Variants in NFYA observed in about 807,000 individuals in gnomAD.
The protein encoded by NFYA is CAAT-box DNA binding protein subunit A.
Under a neutral mutation model 52.8 loss-of-function variants are expected in NFYA, and 28 were observed. The observed-to-expected ratio is 0.53, with a 90% confidence interval of 0.39 to 0.73. The LOEUF is 0.73. Ranked by LOEUF, NFYA falls within the 30% of genes least tolerant of loss-of-function variation. The pLI is 0.00. For synonymous variants in NFYA, 150 were observed against 150.7 expected (o/e 1.00, Z 0.03); for missense variants, 234 against 427.0 (o/e 0.55, Z 3.98).
rs1452355550 is a variant in NFYA, at chr6:41,101,502, C to T, written c.*4092C>T. Among the ~76,000 whole-genome samples, 3 of 152,254 alleles carry T rather than the reference C, an allele frequency of 2.0e-5. No homozygotes were observed. The East Asian group carries it at 5.8e-4, about 29-fold the overall frequency. On this transcript the variant is annotated 3_prime_UTR_variant, in exon 10 of 10. Transcript: ENST00000341376. ...CCAACCCCGAGCATTTTCTATTAAG[C>T]GTTCTGTTTCAATTATTTTATTCGT...
chr6:41,074,306 C>T (rs1763666076), intron 1 of NFYA, among the ~76,000 whole-genome samples: 2 of 152,168 alleles, frequency 1.3e-5, no homozygotes, highest in African/African-American at 4.8e-5. Context: ...AACCAATTAT[C>T]CAGCAGTTAG....
At chr6:41,075,720 G>T (rs1278368135) in intron 1 of NFYA, 1 of 118,826 alleles carries the variant, frequency 8.4e-6, no homozygotes, top group Non-Finnish European at 1.7e-5. Context: ...GAAAAAAAAA[G>T]TTCAAGTAGT....
intron 4 of NFYA, 86 bp downstream of exon 4, chr6:41,084,278 T>C (rs1582027350): frequency 2.0e-6 from 3 of 1,465,780 alleles, no homozygotes; most frequent in East Asian, 2.4e-5. Context: ...ATAATTGATA[T>C]TGCATTTAAC....
In NFYA at chr6:41,073,001, C is replaced by G. The variant is rs1057133285; in HGVS notation, c.-145C>G. 1 of 154,956 alleles carries G rather than the reference C, an allele frequency of 6.5e-6. No individual in the cohort carries two copies. Among genetic ancestry groups the G allele is most frequent in the Non-Finnish European group, 1.4e-5 (1 of 69,218 alleles). The allele number at this position is 154,956 out of a possible 1,614,324, so 9.6% of individuals were successfully genotyped here. On this transcript the variant is annotated 5_prime_UTR_variant, in exon 1 of 10. Coordinates refer to ENST00000341376, the MANE Select transcript of NFYA (RefSeq NM_002505.5). ...TAGGCAGCGGCAGTGGCGGCGGCAG[C>G]GGCGGCTGGAGCCTCTGATTGGGTT...
intron 3 of NFYA, among the ~76,000 whole-genome samples, chr6:41,082,414 A>G (rs1490566420): frequency 6.6e-6 from 1 of 152,210 alleles, no homozygotes; most frequent in Non-Finnish European, 1.5e-5. Context: ...TCTTAACTGT[A>G]TGGCTTCTTG....
At position 41,099,614 on chromosome 6, in the gene NFYA, T is replaced by C. The variant is rs2113831238; in HGVS notation, c.*2204T>C. ...ATTTTTTCTTTGATACTAGTTCTTTTATTCATTTTTATTTGTGACTGTAGT... is the reference window on the plus strand; with the variant it reads ...ATTTTTTCTTTGATACTAGTTCTTTCATTCATTTTTATTTGTGACTGTAGT... On this transcript the variant is annotated 3_prime_UTR_variant, in exon 10 of 10. Coordinates refer to ENST00000341376, the MANE Select transcript of NFYA (RefSeq NM_002505.5). 1 of 152,336 alleles carries C rather than the reference T, an allele frequency of 6.6e-6. No homozygotes were observed. Among genetic ancestry groups the C allele is most frequent in the South Asian group, 2.1e-4 (1 of 4,830 alleles). 9.4% of individuals were successfully genotyped at this position (152,336 alleles called of 1,614,324 possible). A position where few individuals can be genotyped will look rare whatever the true frequency, so the allele number is the denominator to read the frequency against.
chr6:41,093,809 G>A (rs6932411), intron 8 of NFYA, among the ~76,000 whole-genome samples: 17,644 of 152,214 alleles, frequency 0.12, 2,572 homozygotes, highest in African/African-American at 0.34. Context: ...AAGAAGTTGT[G>A]TACCTTCCAC....
chr6:41,096,790 T>C (rs1254750415), intron 9 of NFYA, among the ~76,000 whole-genome samples: 2 of 152,198 alleles, frequency 1.3e-5, no homozygotes. Flanking sequence ...GGAAAGAAGA[T>C]GAAATGGGAG....
rs960459694 is a variant in NFYA at position 41,094,488 on chromosome 6, C to G, written c.981C>G (p.Pro327=). 18 of 1,612,866 alleles carry G rather than the reference C, an allele frequency of 1.1e-5. No homozygotes were observed. Among genetic ancestry groups the G allele is most frequent in the Admixed American group, 1.7e-5 (1 of 60,012 alleles). The change falls in exon 9 of 10, where the codon CCC becomes CCG. Residue 327 remains proline (P), a synonymous_variant. Coordinates refer to ENST00000341376, the MANE Select transcript of NFYA (RefSeq NM_002505.5). The part of the protein sequence containing the change: ...RFFSPKEKDS[P]HMQDPNQADE... ...TCTCTCCAAAGGAAAAGGATAGTCC[C>G]CATATGCAGGTAGGAAGACATATAC...
chr6:41,094,803 G>T (rs1294428169), intron 9 of NFYA, among the ~76,000 whole-genome samples: 1 of 152,142 alleles, frequency 6.6e-6, no homozygotes, highest in African/African-American at 2.4e-5. Context: ...GCCAGGCCTG[G>T]TGATGCATGC....
intron 3 of NFYA, among the ~76,000 whole-genome samples, chr6:41,082,465 A>G (rs926595203): frequency 3.9e-5 from 6 of 152,224 alleles, no homozygotes; most frequent in Non-Finnish European, 8.8e-5. Context: ...TGTTGTAAAT[A>G]CAGTGAGCTC....
intron 2 of NFYA, 105 bp downstream of exon 2, chr6:41,079,269 T>A: frequency 2.8e-6 from 3 of 1,065,750 alleles, no homozygotes; most frequent in Non-Finnish European, 2.8e-6. Context: ...AGATACCAGA[T>A]CTTGTGAGAT....
intron 3 of NFYA, among the ~76,000 whole-genome samples, chr6:41,081,175 C>A (rs1561851320): frequency 1.3e-5 from 2 of 152,174 alleles, no homozygotes. Context: ...GGAAGAAATT[C>A]TTATAAGTGA....
At chr6:41,091,834 C>A in intron 7 of NFYA, 140 bp downstream of exon 7, 1 of 915,778 alleles carries the variant, frequency 1.1e-6, no homozygotes, top group Non-Finnish European at 1.6e-6. Flanking sequence ...TTGACAATAA[C>A]ATTATGACAA....
At chr6:41,073,159 T>C (rs1215202675) in intron 1 of NFYA, 75 bp downstream of exon 1, 1 of 152,276 alleles carries the variant, frequency 6.6e-6, no homozygotes, top group Non-Finnish European at 1.5e-5. Flanking sequence ...CGCTGACCAC[T>C]CAGGAGAGGC....
At position 41,101,701 on chromosome 6, in the gene NFYA, A is replaced by C. The variant is rs1764505841; in HGVS notation, c.*4291A>C. Among the ~76,000 whole-genome samples, 1 of 152,314 alleles carries C rather than the reference A, an allele frequency of 6.6e-6. No individual in the cohort carries two copies. The highest frequency in any genetic ancestry group is 2.1e-4 in the South Asian group (1 of 4,826). ...ACTGTGTGAGTGGTTCTCTAGCCAG[A>C]CATGAGGAGGGATCCTATTGTTTCC... is the stretch of plus-strand genomic sequence containing the variant. On this transcript the variant is annotated 3_prime_UTR_variant, in exon 10 of 10. Transcript: ENST00000341376.
chr6:41,094,121 G>T lies in NFYA; in HGVS notation c.889-275G>T, dbSNP rs185889284. 1.3e-3 allele frequency among the ~76,000 whole-genome samples: 203 copies of T among 150,746 alleles called. 1 individual carries two copies. Among genetic ancestry groups the T allele is most frequent in the Non-Finnish European group, 1.4e-3 (95 of 66,858 alleles). On this transcript the variant is annotated intron_variant, in intron 8 of 9. Transcript: ENST00000341376. ...TGGCCTGTTATTAAAGCAGAGGAAA[G>T]TGTATATATTGTGAAGTGTAGGTGG...
At chr6:41,081,526 C>A (rs916623422) in intron 3 of NFYA, among the ~76,000 whole-genome samples, 5 of 152,088 alleles carry the variant, frequency 3.3e-5, no homozygotes, top group African/African-American at 9.7e-5. Context: ...GGCTCACACT[C>A]TGATCCAATT....
At chr6:41,083,092 T>C (rs185674731) in intron 3 of NFYA, among the ~76,000 whole-genome samples, 11 of 152,368 alleles carry the variant, frequency 7.2e-5, no homozygotes, top group Admixed American at 7.2e-4. Context: ...CTGTCAAAGA[T>C]AGAGTCTGAA....
Sources: gnomAD v4.1 joint callset for allele counts (sites outside exome capture counted in the v4.1 genomes callset) on GRCh38, gnomAD v4.1.1 for gene constraint, MANE v1.5 for transcripts, NCBI Gene and HGNC (gene_info 2026-07-23, HGNC 2026-07-21) for gene names.